ZFHX3: variants seen among roughly 807,000 people sequenced by gnomAD.
The protein encoded by ZFHX3 is zinc finger homeobox protein 3.
ZFHX3 carries 42 observed loss-of-function variants against 279.1 expected under a neutral mutation model. That is an observed-to-expected ratio of 0.15 (90% CI 0.12 to 0.19). ZFHX3 has a LOEUF of 0.19. Ranked by LOEUF, ZFHX3 falls within the 10% of genes least tolerant of loss-of-function variation. ZFHX3 has a pLI of 1.00. For synonymous variants in ZFHX3, 2,293 were observed against 1,957.8 expected, an observed-to-expected ratio of 1.17 and a Z score of -4.52; for missense variants, 4,981 against 4,754.0, an observed-to-expected ratio of 1.05 and a Z score of -1.40.
At chr16:73,025,249 C>T (rs1964456169) in intron 1 of ZFHX3, among the ~76,000 whole-genome samples, 1 of 152,146 alleles carries the variant, frequency 6.6e-6, no homozygotes, top group East Asian at 1.9e-4. Context: ...CCGCCCTGCC[C>T]CAAGTCCTTC....
chr16:72,786,930 A>C lies in ZFHX3; in HGVS notation c.*234T>G. ...CAAAAGGACACAATGTAACAGGGTT[A>C]GGGCTTTTTTTTTTTTTTTAATATT... On this transcript the variant is annotated 3_prime_UTR_variant, in exon 10 of 10. Coordinates refer to ENST00000268489, the MANE Select transcript of ZFHX3 (RefSeq NM_006885.4). The C allele has an allele frequency of 3.4e-6, 1 of 295,220 alleles. No individual in the cohort carries two copies. The highest frequency in any genetic ancestry group is 5.7e-6 in the Non-Finnish European group (1 of 176,148). 18.3% of individuals were successfully genotyped at this position (295,220 alleles called of 1,614,324 possible).
At position 72,827,337 on chromosome 16, in the gene ZFHX3, T is replaced by G. The variant is rs111494146; in HGVS notation, c.3529+2442A>C. ...CAACATGCCAAGCACTGTTCGGAGC[T>G]TCCCATAGTCAAATAATCCTCGTAG... On this transcript the variant is annotated intron_variant, in intron 5 of 9. Coordinates refer to ENST00000268489, the MANE Select transcript of ZFHX3 (RefSeq NM_006885.4). 5.8e-3 allele frequency among the ~76,000 whole-genome samples: 886 copies of G among 152,246 alleles called. 14 individuals are homozygous for G. The highest frequency in any genetic ancestry group is 0.016 in the African/African-American group (665 of 41,542).
intron 1 of ZFHX3, among the ~76,000 whole-genome samples, chr16:73,705,522 G>C (rs1468708341): frequency 3.3e-5 from 5 of 152,132 alleles, no homozygotes; most frequent in Admixed American, 3.3e-4. Context: ...ATTCCTGAGT[G>C]GCCATATTTC....
intron 4 of ZFHX3, among the ~76,000 whole-genome samples, chr16:73,298,411 C>T (rs1050652082): frequency 2.6e-5 from 4 of 151,726 alleles, no homozygotes; most frequent in Non-Finnish European, 5.9e-5. Context: ...CTCGAACTCC[C>T]GACCTCAGGT....
intron 8 of ZFHX3, among the ~76,000 whole-genome samples, chr16:73,065,192 T>C (rs890647453): frequency 1.3e-5 from 2 of 152,198 alleles, no homozygotes; most frequent in Admixed American, 6.5e-5. Context: ...CATCTGCACA[T>C]AGCCCTCCTG....
intron 5 of ZFHX3, among the ~76,000 whole-genome samples, chr16:72,815,469 A>G (rs2036579631): frequency 6.6e-6 from 1 of 151,760 alleles, no homozygotes; most frequent in African/African-American, 2.4e-5. Context: ...ATGAGGGTTT[A>G]TCACAGACCA....
chr16:73,061,996 AAGG>A (rs1481092480), upstream of ZFHX3: 6 of 152,172 alleles, frequency 3.9e-5, no homozygotes, highest in African/African-American at 1.4e-4. Context: ...AATTCGTTAT[AAGG>A]AGGAGAGGTA....
At chr16:73,364,106 G>T (rs940910018) in intron 3 of ZFHX3, among the ~76,000 whole-genome samples, 1 of 151,942 alleles carries the variant, frequency 6.6e-6, no homozygotes, top group African/African-American at 2.4e-5. Context: ...CCAGGAGGCG[G>T]AGGTTGCAGT....
At chr16:73,548,086 T>G (rs1476982678) in intron 2 of ZFHX3, among the ~76,000 whole-genome samples, 4 of 152,234 alleles carry the variant, frequency 2.6e-5, no homozygotes, top group Non-Finnish European at 4.4e-5. Flanking sequence ...ATGTATGATT[T>G]CTGTTTAGCT....
chr16:73,881,453 A>ACT lies in ZFHX3; in HGVS notation c.-1608+10196_-1608+10197dup, dbSNP rs368431262. Among the ~76,000 whole-genome samples the ACT allele has an allele frequency of 3.0e-3, 118 of 39,002 alleles. 7 individuals carry two copies. Among genetic ancestry groups the ACT allele is most frequent in the Non-Finnish European group, 4.9e-3 (93 of 18,798 alleles). The allele number at this position is 39,002 out of a possible 152,430, so 25.6% of individuals were successfully genotyped here. ...CACACTCACACACACACACACACAC[A>ACT]CTCTCTCTCTCTCTCTCTCTCTCTC... On this transcript the variant is annotated intron_variant, in intron 1 of 17. Transcript: ENST00000641206.
intron 4 of ZFHX3, among the ~76,000 whole-genome samples, chr16:73,308,253 ATATATATATATATATATATATATATT>A (rs60562760): frequency 0.19 from 8,731 of 46,000 alleles, 534 homozygotes; most frequent in Non-Finnish European, 0.29. Context: ...ATATATATAT[ATATATATATATATATATATATATATT>A]TATTTATTTA....
intron 2 of ZFHX3, chr16:73,499,124 T>G (rs1047713948): frequency 1.1e-4 from 16 of 152,202 alleles, no homozygotes; most frequent in African/African-American, 3.9e-4. Flanking sequence ...GCAAATACCA[T>G]GCATCTAAAG....
intron 5 of ZFHX3, among the ~76,000 whole-genome samples, chr16:73,161,640 A>G (rs1967238209): frequency 6.6e-6 from 1 of 152,156 alleles, no homozygotes; most frequent in Non-Finnish European, 1.5e-5. Flanking sequence ...GTGCTTGTTA[A>G]ACACTGTCTC....
intron 5 of ZFHX3, among the ~76,000 whole-genome samples, chr16:73,251,469 A>G (rs1212394228): frequency 6.6e-6 from 1 of 152,204 alleles, no homozygotes; most frequent in Non-Finnish European, 1.5e-5. Context: ...ATGCACAATT[A>G]CTAGCCTATT....
At chr16:72,946,444 A>G (rs1960681015) in intron 3 of ZFHX3, among the ~76,000 whole-genome samples, 1 of 152,212 alleles carries the variant, frequency 6.6e-6, no homozygotes, top group East Asian at 1.9e-4. Flanking sequence ...GTAGGGTCTT[A>G]ATCTATCTGC....
intron 4 of ZFHX3, among the ~76,000 whole-genome samples, chr16:73,306,077 C>T (rs1409471099): frequency 1.3e-5 from 2 of 152,208 alleles, no homozygotes; most frequent in African/African-American, 4.8e-5. Context: ...CTGTGGACCA[C>T]ACATTAAGGA....
At chr16:73,229,217 C>A (rs1208413122) in intron 5 of ZFHX3, among the ~76,000 whole-genome samples, 1 of 152,160 alleles carries the variant, frequency 6.6e-6, no homozygotes, top group Non-Finnish European at 1.5e-5. Flanking sequence ...CAGCAACAAA[C>A]TGGGGATTCT....
At chr16:73,293,976 G>A (rs1753633496) in intron 4 of ZFHX3, 1 of 85,362 alleles carries the variant, frequency 1.2e-5, no homozygotes, top group South Asian at 4.1e-4. Context: ...GGCTTTCTAA[G>A]TCAATATGCC....
chr16:73,032,303 A>C (rs1219470890), intron 1 of ZFHX3, among the ~76,000 whole-genome samples: 2 of 152,186 alleles, frequency 1.3e-5, no homozygotes, highest in Non-Finnish European at 2.9e-5. Context: ...CCCTGTCTCA[A>C]AAAACACAAA....
Sources: gnomAD v4.1 joint callset for allele counts (sites outside exome capture counted in the v4.1 genomes callset) on GRCh38, gnomAD v4.1.1 for gene constraint, MANE v1.5 for transcripts, NCBI Gene and HGNC (gene_info 2026-07-23, HGNC 2026-07-21) for gene names.